EYS: variants seen among roughly 807,000 people sequenced by gnomAD.
EYS encodes the protein EGF-like photoreceptor maintenance factor.
Under a neutral mutation model 282.1 loss-of-function variants are expected in EYS, and 250 were observed. The observed-to-expected ratio is 0.89, with a 90% confidence interval of 0.80 to 0.98. The LOEUF is 0.98. EYS is among the 50% of genes least tolerant of loss of function. The pLI is 0.00. For missense variants in EYS, 4,016 were observed against 3,709.0 expected (o/e 1.08, Z -2.15); for synonymous variants, 1,355 against 1,282.9 (o/e 1.06, Z -1.20).
At chr6:64,030,106 AAAGAGACAGAGAGAGG>A (rs1345818014) in intron 33 of EYS, among the ~76,000 whole-genome samples, 1 of 152,128 alleles carries the variant, frequency 6.6e-6, no homozygotes, top group African/African-American at 2.4e-5. Flanking sequence ...AGACAAAGAG[AAAGAGACAGAGAGAGG>A]AAGAGACAGA....
intron 26 of EYS, among the ~76,000 whole-genome samples, chr6:64,475,929 G>C (rs1776252390): frequency 1.3e-5 from 2 of 152,078 alleles, no homozygotes; most frequent in Non-Finnish European, 2.9e-5. Context: ...TAAGGCTACA[G>C]GTACATGCCA....
At chr6:65,429,314 C>T (rs1043239320) in intron 5 of EYS, among the ~76,000 whole-genome samples, 8 of 152,112 alleles carry the variant, frequency 5.3e-5, no homozygotes, top group African/African-American at 1.4e-4. Context: ...AATCCTCAAA[C>T]GTATTATAAA....
At chr6:64,995,787 T>A (rs544483917) in intron 14 of EYS, among the ~76,000 whole-genome samples, 1 of 147,798 alleles carries the variant, frequency 6.8e-6, no homozygotes. Context: ...ATACTACAGT[T>A]AGTTGGAATA....
At chr6:65,007,721 T>G (rs1771727196) in intron 13 of EYS, among the ~76,000 whole-genome samples, 1 of 152,156 alleles carries the variant, frequency 6.6e-6, no homozygotes, top group Admixed American at 6.5e-5. Flanking sequence ...AGTGCCAATG[T>G]TCCCCAATTA....
rs1001504152 is a variant in EYS at position 64,532,408 on chromosome 6, G to A, written c.5644+57815C>T. On this transcript the variant is annotated intron_variant, in intron 26 of 42. Coordinates refer to ENST00000503581, the MANE Select transcript of EYS (RefSeq NM_001142800.2). ...GTTTGGCAAACTAGGAAAATTACAG[G>A]AAACATTTAAAATATTCTAGGCCGG... Among the ~76,000 whole-genome samples, 42 of 152,118 alleles carry A rather than the reference G, an allele frequency of 2.8e-4. 1 individual carries two copies. The highest frequency in any genetic ancestry group is 2.5e-3 in the Admixed American group (38 of 15,270).
intron 12 of EYS, among the ~76,000 whole-genome samples, chr6:65,166,208 A>AT (rs952953396): frequency 2.7e-5 from 4 of 150,840 alleles, no homozygotes; most frequent in South Asian, 2.1e-4. Flanking sequence ...ATCCAAGCTG[A>AT]TTTTTTTTAG....
intron 35 of EYS, among the ~76,000 whole-genome samples, chr6:63,931,776 G>A (rs1162772095): frequency 1.3e-5 from 2 of 152,018 alleles, no homozygotes. Flanking sequence ...TTTGTGTTGT[G>A]AATATTTAAC....
chr6:65,265,826 C>T (rs970104410), intron 12 of EYS, among the ~76,000 whole-genome samples: 3 of 151,754 alleles, frequency 2.0e-5, no homozygotes, highest in African/African-American at 7.2e-5. Context: ...CAAACTTAAG[C>T]CATTTAACCT....
chr6:64,577,603 C>T (rs1765923785), intron 26 of EYS, among the ~76,000 whole-genome samples: 2 of 152,038 alleles, frequency 1.3e-5, no homozygotes, highest in South Asian at 4.1e-4. Context: ...AAGTAGAGTT[C>T]CTCAATTCAA....
intron 30 of EYS, among the ~76,000 whole-genome samples, chr6:64,292,125 CT>C (rs1247563513): frequency 6.6e-6 from 1 of 152,102 alleles, no homozygotes; most frequent in Non-Finnish European, 1.5e-5. Context: ...GTGTGTCTGA[CT>C]TTTAAATCCT....
At chr6:64,660,816 G>A (rs1583010418) in intron 22 of EYS, among the ~76,000 whole-genome samples, 2 of 152,220 alleles carry the variant, frequency 1.3e-5, no homozygotes, top group African/African-American at 4.8e-5. Flanking sequence ...TACAGCCCAA[G>A]GTAATTTATA....
At chr6:65,363,458 A>C (rs1234392391) in intron 8 of EYS, among the ~76,000 whole-genome samples, 1 of 151,964 alleles carries the variant, frequency 6.6e-6, no homozygotes. Flanking sequence ...TAATCATTTC[A>C]GAAGAAAAAT....
intron 35 of EYS, among the ~76,000 whole-genome samples, chr6:63,950,159 G>A (rs1410865237): frequency 1.3e-5 from 2 of 149,684 alleles, no homozygotes; most frequent in African/African-American, 2.5e-5. Flanking sequence ...GCAACAGAAT[G>A]AGACTCCGTC....
chr6:65,570,283 TTAAGAATAG>T (rs1048913867), intron 2 of EYS, among the ~76,000 whole-genome samples: 18 of 152,284 alleles, frequency 1.2e-4, no homozygotes, highest in Non-Finnish European at 2.6e-4. Flanking sequence ...TAGACCTTTC[TTAAGAATAG>T]TAATGAATTA....
At chr6:65,661,028 C>A (rs371417860) in intron 1 of EYS, among the ~76,000 whole-genome samples, 2 of 151,808 alleles carry the variant, frequency 1.3e-5, no homozygotes, top group Admixed American at 6.6e-5. Flanking sequence ...AGCTTAAATG[C>A]TAAATTCTCA....
intron 33 of EYS, among the ~76,000 whole-genome samples, chr6:64,031,695 T>C (rs1769848555): frequency 6.6e-6 from 1 of 152,090 alleles, no homozygotes; most frequent in Non-Finnish European, 1.5e-5. Context: ...CAATTGACAC[T>C]CTGTTATCTA....
At chr6:65,648,732 A>C (rs1168815456) in intron 1 of EYS, among the ~76,000 whole-genome samples, 1 of 143,278 alleles carries the variant, frequency 7.0e-6, no homozygotes, top group Non-Finnish European at 1.5e-5. Flanking sequence ...TTTATAAAAC[A>C]AACAGAGAAA....
At chr6:65,254,795 A>C (rs1364995838) in intron 12 of EYS, among the ~76,000 whole-genome samples, 1 of 151,920 alleles carries the variant, frequency 6.6e-6, no homozygotes, top group Non-Finnish European at 1.5e-5. Flanking sequence ...TGGTAATTTA[A>C]AATGATACAC....
At chr6:65,461,000 A>T (rs1764809257) in intron 5 of EYS, among the ~76,000 whole-genome samples, 1 of 152,122 alleles carries the variant, frequency 6.6e-6, no homozygotes, top group African/African-American at 2.4e-5. Flanking sequence ...ATAATAAATT[A>T]CCAAAGATGT....
Sources: allele counts gnomAD v4.1 joint callset (sites outside exome capture counted in the v4.1 genomes callset), GRCh38; gene constraint gnomAD v4.1.1; transcripts MANE v1.5; gene names NCBI Gene and HGNC (gene_info 2026-07-23, HGNC 2026-07-21).